MYO16: variants seen among roughly 807,000 people sequenced by gnomAD.
MYO16 encodes the protein unconventional myosin-XVI.
In MYO16, 94 loss-of-function variants were observed where a neutral mutation model predicts 205.3. That is an observed-to-expected ratio of 0.46 (90% CI 0.39 to 0.54). The LOEUF is 0.54. Among genes scored for constraint, MYO16 ranks in the 20% least tolerant of loss-of-function variants. The pLI is 0.00. For missense variants in MYO16, 2,315 were observed against 2,387.5 expected, an observed-to-expected ratio of 0.97 and a Z score of 0.63; for synonymous variants, 988 against 954.0, an observed-to-expected ratio of 1.04 and a Z score of -0.66.
chr13:108,868,081 T>G (rs1247283312), intron 12 of MYO16, among the ~76,000 whole-genome samples: 3 of 152,216 alleles, frequency 2.0e-5, no homozygotes, highest in African/African-American at 7.2e-5. Flanking sequence ...TTGACAGAGA[T>G]TTTGTCTTTT....
chr13:109,057,256 A>G (rs1168706958), intron 27 of MYO16, among the ~76,000 whole-genome samples: 1 of 152,208 alleles, frequency 6.6e-6, no homozygotes, highest in East Asian at 1.9e-4. Context: ...ATATGAGTTC[A>G]GCTTGAGCCT....
At position 108,961,540 on chromosome 13, in the gene MYO16, A is replaced by G; in HGVS notation, c.2039A>G (p.Glu680Gly). The G allele has an allele frequency of 6.2e-7, 1 of 1,611,726 alleles. No individual in the cohort carries two copies. Among genetic ancestry groups the G allele is most frequent in the Non-Finnish European group, 8.5e-7 (1 of 1,177,846 alleles). Residue 680 changes from glutamate to glycine, a missense_variant and splice_region_variant, in exon 18 of 35, where the codon GAG (glutamate) becomes GGG (glycine). This residue lies in a region of MYO16 where 1,213 missense variants were observed against 1,274.4 expected (regional missense o/e 0.95). Transcript: ENST00000457511. ...TCTCTCTGTTTGTAAAATGCATAGG[A>G]GGTGGAGAATCTGTTCGTAATTCTA... ...ALNVVGFSSL[E>G]VENLFVILAA...
intron 32 of MYO16, among the ~76,000 whole-genome samples, chr13:109,155,015 A>G (rs935367905): frequency 1.3e-5 from 2 of 151,888 alleles, no homozygotes; most frequent in African/African-American, 4.8e-5. Context: ...AAATGGGCAA[A>G]AAAGGATTCA....
chr13:109,090,247 G>A (rs1202257031), intron 27 of MYO16, among the ~76,000 whole-genome samples: 1 of 152,188 alleles, frequency 6.6e-6, no homozygotes, highest in Non-Finnish European at 1.5e-5. Context: ...AGCCTCATAC[G>A]GGTCCCTGTA....
chr13:109,119,706 C>T (rs1187473019), intron 28 of MYO16, among the ~76,000 whole-genome samples: 1 of 152,224 alleles, frequency 6.6e-6, no homozygotes, highest in Non-Finnish European at 1.5e-5. Context: ...GTCATATAAA[C>T]TGATTTCATG....
intron 6 of MYO16, among the ~76,000 whole-genome samples, chr13:108,800,715 C>T (rs1340181393): frequency 3.3e-5 from 5 of 152,094 alleles, no homozygotes; most frequent in South Asian, 4.1e-4. Flanking sequence ...TTCATTTCTT[C>T]ATAACATAGT....
intron 11 of MYO16, among the ~76,000 whole-genome samples, chr13:108,859,559 C>T (rs185691569): frequency 1.2e-4 from 18 of 152,118 alleles, no homozygotes; most frequent in Non-Finnish European, 2.1e-4. Flanking sequence ...TCTATTTGGA[C>T]GTTAGATTAG....
intron 32 of MYO16, among the ~76,000 whole-genome samples, chr13:109,156,534 C>A (rs747575739): frequency 2.6e-5 from 4 of 152,216 alleles, no homozygotes; most frequent in Non-Finnish European, 5.9e-5. Flanking sequence ...TTTTCTCCTG[C>A]GTTACTGAAA....
intron 6 of MYO16, among the ~76,000 whole-genome samples, chr13:108,805,958 A>AAATAAATAAATAAAT (rs372498138): frequency 6.6e-6 from 1 of 151,582 alleles, no homozygotes; most frequent in Non-Finnish European, 1.5e-5. Flanking sequence ...ATAAATAAAT[A>AAATAAATAAATAAAT]AAATTAGCTG....
the MYO16 span, among the ~76,000 whole-genome samples, chr13:108,553,590 T>C: frequency 6.6e-6 from 1 of 152,278 alleles, no homozygotes; most frequent in East Asian, 1.9e-4. Context: ...GAGTGGAAAT[T>C]TTAGTAGAAT....
At chr13:109,107,705 C>G (rs1255653148) in intron 28 of MYO16, among the ~76,000 whole-genome samples, 3 of 151,540 alleles carry the variant, frequency 2.0e-5, no homozygotes. Context: ...CTTCTGTATC[C>G]TTTCTCCTTC....
chr13:108,775,516 G>C (rs1886095349), intron 4 of MYO16, among the ~76,000 whole-genome samples: 1 of 127,898 alleles, frequency 7.8e-6, no homozygotes, highest in African/African-American at 2.7e-5. Flanking sequence ...ATGGAGTTTT[G>C]GTTTTTTTTA....
chr13:108,753,669 T>A (rs1399054580), intron 4 of MYO16, among the ~76,000 whole-genome samples: 1 of 152,188 alleles, frequency 6.6e-6, no homozygotes, highest in Non-Finnish European at 1.5e-5. Flanking sequence ...TATGGTGTGT[T>A]TAAGTCTGCT....
chr13:109,077,884 C>G (rs1478563178), intron 27 of MYO16, among the ~76,000 whole-genome samples: 1 of 151,824 alleles, frequency 6.6e-6, no homozygotes, highest in Admixed American at 6.6e-5. Context: ...TCTATTGTTT[C>G]TCCTTTAGAA....
At chr13:108,655,098 G>T (rs769595289) in intron 1 of MYO16, among the ~76,000 whole-genome samples, 3 of 151,752 alleles carry the variant, frequency 2.0e-5, no homozygotes, top group Non-Finnish European at 1.5e-5. Context: ...ACAAGCAGCC[G>T]AATGTTAATC....
At chr13:108,763,787 T>TTGTGTGTGTGTGTGTG (rs56115831) in intron 4 of MYO16, among the ~76,000 whole-genome samples, 86 of 142,630 alleles carry the variant, frequency 6.0e-4, no homozygotes, top group African/African-American at 2.1e-3. Flanking sequence ...AGAAAAGGAG[T>TTGTGTGTGTGTGTGTG]TGTGTGTGTG....
At chr13:108,629,349 A>G (rs1181757422), upstream of MYO16, 1 of 153,044 alleles carries the variant, frequency 6.5e-6, no homozygotes, top group Non-Finnish European at 1.5e-5. Context: ...GAATCTGGTC[A>G]TATGTGGCTG....
chr13:109,120,235 CA>C, intron 28 of MYO16, 134 bp from the exon 29 acceptor site: 1 of 617,708 alleles, frequency 1.6e-6, no homozygotes, highest in Non-Finnish European at 2.8e-6. Context: ...GTTTAAGAAT[CA>C]GAGACATGTA....
At chr13:108,911,441 C>G (rs1006023535) in intron 16 of MYO16, among the ~76,000 whole-genome samples, 1 of 152,048 alleles carries the variant, frequency 6.6e-6, no homozygotes, top group African/African-American at 2.4e-5. Context: ...CCAGAGAGGG[C>G]CGTTCACAGA....
Sources: allele counts gnomAD v4.1 joint callset (sites outside exome capture counted in the v4.1 genomes callset), GRCh38; gene constraint gnomAD v4.1.1; regional missense constraint gnomAD v4.1.1; transcripts MANE v1.5; gene names NCBI Gene and HGNC (gene_info 2026-07-23, HGNC 2026-07-21).